The following KDM4C variants were observed in gnomAD, a reference collection of about 807,000 sequenced individuals.
KDM4C encodes lysine demethylase 4C.
A neutral mutation model predicts 129.3 loss-of-function variants in KDM4C; 81 were observed. The observed-to-expected ratio is 0.63, with a 90% CI of 0.52 to 0.75. KDM4C has a LOEUF of 0.75. Among genes scored for constraint, KDM4C ranks in the 30% least tolerant of loss-of-function variants. The pLI, the probability that KDM4C is intolerant of heterozygous loss-of-function variation, is 0.00. For missense variants in KDM4C, 1,457 were observed against 1,304.0 expected, an observed-to-expected ratio of 1.12 and a Z score of -1.81; for synonymous variants, 573 against 456.1, an observed-to-expected ratio of 1.26 and a Z score of -3.26.
intron 3 of KDM4C, among the ~76,000 whole-genome samples, chr9:6,807,590 G>A (rs1421570278): frequency 6.6e-6 from 1 of 150,498 alleles, no homozygotes; most frequent in East Asian, 2.0e-4. Context: ...TCTGGGAGGT[G>A]AGGAGCGTTT....
intron 18 of KDM4C, among the ~76,000 whole-genome samples, chr9:7,110,813 T>C (rs1370356562): frequency 6.6e-6 from 1 of 152,146 alleles, no homozygotes; most frequent in Non-Finnish European, 1.5e-5. Context: ...CCAAGGAAAA[T>C]ACAGCCACTT....
At chr9:6,798,438 A>G (rs1234581149) in intron 2 of KDM4C, among the ~76,000 whole-genome samples, 1 of 151,440 alleles carries the variant, frequency 6.6e-6, no homozygotes, top group Admixed American at 6.6e-5. Context: ...AGTGGTGATG[A>G]CTCTTAACGA....
intron 19 of KDM4C, among the ~76,000 whole-genome samples, chr9:7,161,042 C>T (rs962359341): frequency 2.0e-5 from 3 of 152,194 alleles, no homozygotes; most frequent in Non-Finnish European, 4.4e-5. Context: ...CAATGGCAGA[C>T]GCCTCTCCCC....
chr9:7,095,168 C>T (rs1231228178), intron 17 of KDM4C, among the ~76,000 whole-genome samples: 8 of 152,224 alleles, frequency 5.3e-5, no homozygotes, highest in Non-Finnish European at 1.5e-5. Context: ...TTCTTCATTG[C>T]ACATCCGTGA....
intron 20 of KDM4C, among the ~76,000 whole-genome samples, chr9:7,167,890 CA>C (rs1482598670): frequency 6.6e-6 from 1 of 152,168 alleles, no homozygotes; most frequent in Non-Finnish European, 1.5e-5. Context: ...GTGAATTAAA[CA>C]ATAAGTGTAG....
intron 17 of KDM4C, among the ~76,000 whole-genome samples, chr9:7,096,145 C>T (rs1836408188): frequency 6.6e-6 from 1 of 152,250 alleles, no homozygotes; most frequent in South Asian, 2.1e-4. Flanking sequence ...GGAACCCAAA[C>T]AGGCTATGAG....
chr9:6,946,799 T>A (rs1216922456), intron 8 of KDM4C, among the ~76,000 whole-genome samples: 1 of 152,162 alleles, frequency 6.6e-6, no homozygotes, highest in African/African-American at 2.4e-5. Context: ...AAAACTTGTC[T>A]TTTTCACTCT....
At chr9:7,097,248 T>C (rs1421152359) in intron 17 of KDM4C, among the ~76,000 whole-genome samples, 1 of 152,234 alleles carries the variant, frequency 6.6e-6, no homozygotes, top group African/African-American at 2.4e-5. Flanking sequence ...GCGTGCAGCA[T>C]GTCTGCCAAT....
intron 17 of KDM4C, among the ~76,000 whole-genome samples, chr9:7,061,491 G>A (rs1043006357): frequency 6.6e-6 from 1 of 152,206 alleles, no homozygotes; most frequent in African/African-American, 2.4e-5. Flanking sequence ...CCTGGTGCTG[G>A]TGGGTTGGGT....
intron 17 of KDM4C, among the ~76,000 whole-genome samples, chr9:7,057,584 A>C (rs1405497892): frequency 2.0e-5 from 3 of 152,236 alleles, no homozygotes; most frequent in African/African-American, 7.2e-5. Context: ...CAGAGTTTGC[A>C]CTCAAAGAAC....
At chr9:6,734,444 G>A (rs972110281) in intron 1 of KDM4C, among the ~76,000 whole-genome samples, 1 of 151,910 alleles carries the variant, frequency 6.6e-6, no homozygotes, top group African/African-American at 2.4e-5. Flanking sequence ...ACAGGCATGC[G>A]CCACCACGCC....
chr9:7,170,079 T>C (rs1844811536), intron 21 of KDM4C, 189 bp downstream of exon 21: 2 of 1,492,460 alleles, frequency 1.3e-6, no homozygotes, highest in African/African-American at 1.4e-5. Context: ...GGGAAATTAA[T>C]GCATGTGCTT....
At chr9:7,076,651 G>C (rs1833954355) in intron 17 of KDM4C, 4 of 1,309,016 alleles carry the variant, frequency 3.1e-6, no homozygotes, top group African/African-American at 1.5e-5. Context: ...TTTCCCTTTT[G>C]TATCTGTCAT....
Position 7,049,086 on chromosome 9 carries a change from C to A in KDM4C, c.2316-6C>A. On this transcript the variant is annotated splice_region_variant and splice_polypyrimidine_tract_variant and intron_variant, in intron 16 of 21. Coordinates refer to ENST00000381309, the MANE Select transcript of KDM4C (RefSeq NM_015061.6). ...TTGTTTATGTTTAATGTCTCCTTTC[C>A]TGTAGGTGGGCCCATGTCATGTGCG... 1.9e-6 allele frequency: 3 copies of A among 1,601,716 alleles called. No individual in the cohort carries two copies. The highest frequency in any genetic ancestry group is 2.6e-6 in the Non-Finnish European group (3 of 1,170,048).
chr9:7,117,626 TACACACAC>T (rs71315578), intron 18 of KDM4C, among the ~76,000 whole-genome samples: 41,486 of 146,884 alleles, frequency 0.28, 6,735 homozygotes, highest in Middle Eastern at 0.4. Flanking sequence ...TGTTAATTTC[TACACACAC>T]ACACACACAC....
At chr9:6,786,654 C>A (rs954181477) in intron 1 of KDM4C, among the ~76,000 whole-genome samples, 2 of 151,932 alleles carry the variant, frequency 1.3e-5, no homozygotes, top group Non-Finnish European at 2.9e-5. Context: ...CTTCTTGGTT[C>A]AGAAAAATAA....
At chr9:6,741,209 A>G (rs558387021) in intron 1 of KDM4C, among the ~76,000 whole-genome samples, 1 of 152,078 alleles carries the variant, frequency 6.6e-6, no homozygotes, top group South Asian at 2.1e-4. Context: ...CATCCTGGCC[A>G]ACATGGTGAA....
intron 19 of KDM4C, among the ~76,000 whole-genome samples, chr9:7,150,005 C>G (rs1008414968): frequency 6.6e-6 from 1 of 152,176 alleles, no homozygotes. Context: ...GCCCTGAGAT[C>G]ACGAGTGGGA....
intron 16 of KDM4C, among the ~76,000 whole-genome samples, chr9:7,048,457 A>G (rs1253295443): frequency 2.0e-5 from 3 of 152,204 alleles, no homozygotes; most frequent in Middle Eastern, 3.4e-3. Context: ...CATTTATGAG[A>G]CATTTAATAG....
Sources: gnomAD v4.1 joint callset for allele counts (sites outside exome capture counted in the v4.1 genomes callset) on GRCh38, gnomAD v4.1.1 for gene constraint, MANE v1.5 for transcripts, NCBI Gene and HGNC (gene_info 2026-07-23, HGNC 2026-07-21) for gene names.